The following LPIN2 variants were observed in gnomAD, a reference collection of about 807,000 sequenced individuals.
LPIN2 encodes lipin 2.
Under a neutral mutation model 111.4 loss-of-function variants are expected in LPIN2, and 55 were observed. The ratio of observed to expected loss-of-function variants is 0.49; its 90% CI spans 0.40 to 0.62. The LOEUF (loss-of-function observed/expected upper bound fraction) is 0.62. LPIN2 is among the 20% of genes least tolerant of loss of function. The probability of loss-of-function intolerance (pLI) is 0.00; values close to 1 mark genes in which losing one functional copy is unlikely to be tolerated. For synonymous variants in LPIN2, 425 were observed against 414.0 expected, an observed-to-expected ratio of 1.03 and a Z score of -0.32; for missense variants, 992 against 1,112.1, an observed-to-expected ratio of 0.89 and a Z score of 1.54.
intron 4 of LPIN2, 76 bp downstream of exon 4, chr18:2,950,979 A>T (rs891664754): frequency 6.6e-7 from 1 of 1,523,460 alleles, no homozygotes; most frequent in Non-Finnish European, 9.1e-7. Flanking sequence ...GTGTATCCAT[A>T]AAAAAACTGG....
At chr18:2,923,003 A>G (rs1233026816) in intron 16 of LPIN2, among the ~76,000 whole-genome samples, 3 of 152,344 alleles carry the variant, frequency 2.0e-5, no homozygotes, top group East Asian at 1.9e-4. Context: ...TCAATGTAAT[A>G]TATGTATTAG....
chr18:2,963,169 T>G lies in LPIN2; in HGVS notation c.-9-2320A>C, dbSNP rs1343330817. On this transcript the variant is annotated intron_variant, in intron 1 of 19. Coordinates refer to ENST00000677752, the MANE Select transcript of LPIN2 (RefSeq NM_001375808.2). ...CAAAAGTAAAGGGAGGCCTGTAGCT[T>G]AACATGCTACACCCTGGGTATGATG... is the stretch of plus-strand genomic sequence containing the variant. 2.6e-5 allele frequency among the ~76,000 whole-genome samples: 4 copies of G among 152,212 alleles called. No individual in the cohort carries two copies. The East Asian group carries it at 7.7e-4, about 29-fold the overall frequency.
intron 1 of LPIN2, chr18:2,977,162 C>T (rs2078033276): frequency 6.7e-6 from 1 of 149,652 alleles, no homozygotes; most frequent in South Asian, 2.1e-4. Flanking sequence ...CTACACTGCA[C>T]TCCAGACTGG....
intron 1 of LPIN2, chr18:2,982,898 T>G: frequency 5.7e-6 from 2 of 350,416 alleles, no homozygotes; most frequent in Non-Finnish European, 5.6e-6. Flanking sequence ...TGAAAGGAAA[T>G]GGTTCTTAAA....
chr18:2,949,040 T>G (rs547297570), intron 4 of LPIN2, among the ~76,000 whole-genome samples: 163 of 152,266 alleles, frequency 1.1e-3, no homozygotes, highest in African/African-American at 3.8e-3. Flanking sequence ...TGACCTCAGG[T>G]GATCCTCCCG....
chr18:2,919,068 T>A lies in LPIN2; in HGVS notation c.*1225A>T, dbSNP rs776166555. 1 of 152,210 alleles carries A rather than the reference T, an allele frequency of 6.6e-6. No individual in the cohort carries two copies. The highest frequency in any genetic ancestry group is 2.4e-5 in the African/African-American group (1 of 41,446). 9.4% of individuals were successfully genotyped at this position (152,210 alleles called of 1,614,324 possible). On this transcript the variant is annotated 3_prime_UTR_variant, in exon 20 of 20. Transcript: ENST00000677752. The stretch of plus-strand genomic sequence containing the variant: ...GCTCTGGAGCAGCTTATGGCACACC[T>A]TTCCCTGGTGCCATCTCTTCAGACA...
chr18:3,000,796 G>A lies in LPIN2; in HGVS notation c.-10+12291C>T, dbSNP rs550589518. ...AAGGATTCACTGTGAAGCCAGGTAA[G>A]GTGGGTACTTCCCGTGTTCCCTCCT... On this transcript the variant is annotated intron_variant, in intron 1 of 19. Coordinates refer to ENST00000677752, the MANE Select transcript of LPIN2 (RefSeq NM_001375808.2). Among the ~76,000 whole-genome samples the A allele has an allele frequency of 2.6e-5, 4 of 152,304 alleles. No homozygotes were observed. The East Asian group carries it at 7.7e-4, about 29-fold the overall frequency.
rs58495669 is a variant in LPIN2 at position 3,010,486 on chromosome 18, T to TA, written c.-10+2600dup. On this transcript the variant is annotated intron_variant, in intron 1 of 19. Coordinates refer to ENST00000677752, the MANE Select transcript of LPIN2 (RefSeq NM_001375808.2). ...GGTCTCATTGAGAAGTATAAAAACT[T>TA]ACCAAGCAGTGAAGGGTATTGGAGA... Among the ~76,000 whole-genome samples, 1,207 of 152,150 alleles carry TA rather than the reference T, an allele frequency of 7.9e-3. 14 individuals carry two copies. The highest frequency in any genetic ancestry group is 0.028 in the African/African-American group (1,148 of 41,494).
intron 2 of LPIN2, among the ~76,000 whole-genome samples, chr18:2,957,999 A>G (rs2077638654): frequency 6.6e-6 from 1 of 151,726 alleles, no homozygotes; most frequent in Non-Finnish European, 1.5e-5. Context: ...AAAAGCAGCC[A>G]GGCGTGGTAG....
intron 1 of LPIN2, among the ~76,000 whole-genome samples, chr18:2,978,314 A>G (rs2078052812): frequency 6.6e-6 from 1 of 152,256 alleles, no homozygotes; most frequent in Non-Finnish European, 1.5e-5. Flanking sequence ...ACTCTATAGT[A>G]GAGAAACCTG....
intron 1 of LPIN2, among the ~76,000 whole-genome samples, chr18:2,971,497 G>A (rs918327130): frequency 2.0e-5 from 3 of 152,078 alleles, no homozygotes; most frequent in Admixed American, 6.5e-5. Flanking sequence ...CTTGAGTTCC[G>A]GTAAGGAAGA....
chr18:2,997,074 C>T (rs375062366), intron 1 of LPIN2, among the ~76,000 whole-genome samples: 5 of 152,000 alleles, frequency 3.3e-5, no homozygotes, highest in East Asian at 1.9e-4. Context: ...CTCCACCTCC[C>T]GGATTCAAGC....
chr18:2,931,085 A>G (rs1598531277), intron 9 of LPIN2, among the ~76,000 whole-genome samples, 171 bp downstream of exon 9: 1 of 152,172 alleles, frequency 6.6e-6, no homozygotes, highest in African/African-American at 2.4e-5. Flanking sequence ...AGAGGTGTCA[A>G]TTAAGACCTT....
At chr18:2,959,217 G>A (rs1235008295) in intron 2 of LPIN2, among the ~76,000 whole-genome samples, 2 of 152,186 alleles carry the variant, frequency 1.3e-5, no homozygotes, top group African/African-American at 4.8e-5. Context: ...CTGCTACCCT[G>A]AAATGTGGTT....
chr18:2,970,239 C>T lies in LPIN2; in HGVS notation c.-9-9390G>A, dbSNP rs1331173484. 2.0e-5 allele frequency among the ~76,000 whole-genome samples: 3 copies of T among 152,208 alleles called. No individual in the cohort carries two copies. In the East Asian group the frequency reaches 5.8e-4, roughly 29 times the overall value. On this transcript the variant is annotated intron_variant, in intron 1 of 19. Transcript: ENST00000677752. The stretch of plus-strand genomic sequence containing the variant: ...GATCTGAAGGTAAAAACAGGGCTCC[C>T]TGGATTTCAATGATTTCAGTGCTCA...
rs1474165384 is a variant in LPIN2, at chr18:2,934,417, T to G, written c.1202A>C (p.Asp401Ala). ...VHKRSQHQGP[D>A]DIYLDDLKGL... ...CTTTAAGTCATCAAGGTAAATATCA[T>G]CAGGTCCCTGGTGTTGGCTTCTTTT... The change falls in exon 8 of 20, where the codon GAT becomes GCT. Residue 401 changes from aspartate (D) to alanine (A), a missense_variant. Asp to Ala is a moderately radical substitution (Grantham distance 126). Transcript: ENST00000677752. The G allele has an allele frequency of 6.2e-7, 1 of 1,613,706 alleles. No homozygotes were observed. Among genetic ancestry groups the G allele is most frequent in the Non-Finnish European group, 8.5e-7 (1 of 1,179,798 alleles).
intron 1 of LPIN2, among the ~76,000 whole-genome samples, chr18:2,980,884 T>G (rs2078100301): frequency 6.6e-6 from 1 of 152,240 alleles, no homozygotes; most frequent in African/African-American, 2.4e-5. Flanking sequence ...ACTCCTGTAG[T>G]ATATTCTGCC....
intron 1 of LPIN2, among the ~76,000 whole-genome samples, chr18:3,001,063 A>G (rs965115599): frequency 2.6e-5 from 4 of 152,220 alleles, no homozygotes; most frequent in Admixed American, 6.5e-5. Context: ...TTCTAAAGGA[A>G]AACTATTTCC....
intron 1 of LPIN2, among the ~76,000 whole-genome samples, chr18:3,003,842 G>A (rs556118638): frequency 2.2e-4 from 34 of 152,204 alleles, no homozygotes; most frequent in African/African-American, 7.9e-4. Context: ...CTGCGGGGTC[G>A]GGCAGAATAC....
Sources: allele counts gnomAD v4.1 joint callset (sites outside exome capture counted in the v4.1 genomes callset), GRCh38; gene constraint gnomAD v4.1.1; transcripts MANE v1.5; gene names NCBI Gene and HGNC (gene_info 2026-07-23, HGNC 2026-07-21).